The following ELL variants were observed in gnomAD, a reference collection of about 807,000 sequenced individuals.
ELL encodes RNA polymerase II elongation factor ELL.
ELL carries 18 observed loss-of-function variants against 64.0 expected under a neutral mutation model. The ratio of observed to expected loss-of-function variants is 0.28; its 90% CI spans 0.19 to 0.42. ELL has a LOEUF of 0.42. Among genes scored for constraint, ELL ranks in the 10% least tolerant of loss-of-function variants. ELL has a pLI of 1.00. For synonymous variants in ELL, 399 were observed against 376.2 expected (o/e 1.06, Z -0.70); for missense variants, 797 against 870.4 (o/e 0.92, Z 1.06).
chr19:18,473,335 GC>G, intron 1 of ELL: 1 of 384,186 alleles, frequency 2.6e-6, no homozygotes, highest in Non-Finnish European at 5.3e-6. Context: ...GGCAAAAGCA[GC>G]CCCCTCCACT....
chr19:18,467,340 C>T (rs1974961219), intron 2 of ELL, among the ~76,000 whole-genome samples: 1 of 152,082 alleles, frequency 6.6e-6, no homozygotes, highest in Non-Finnish European at 1.5e-5. Flanking sequence ...CCAGCATCCC[C>T]TCTCAGCCTC....
chr19:18,450,792 G>A lies in ELL; in HGVS notation c.1150C>T (p.Leu384=), dbSNP rs778774977. Reference sequence around the variant, plus strand: ...CTCGGGGGCTCCAGCCGCGGGGGCAGGTGAGTGCTGGAGCTGAGGGTGTCC... The same window carrying A: ...CTCGGGGGCTCCAGCCGCGGGGGCAAGTGAGTGCTGGAGCTGAGGGTGTCC... ...STDTLSSSTH[L]PPRLEPPRAH... The change falls in exon 8 of 12, where the codon CTG becomes TTG. Residue 384 remains leucine (L), a synonymous_variant. Coordinates refer to ENST00000262809, the MANE Select transcript of ELL (RefSeq NM_006532.4). The A allele has an allele frequency of 4.4e-6, 7 of 1,582,894 alleles. No homozygotes were observed. The African/African-American group carries it at 6.7e-5, about 15-fold the overall frequency.
rs1157193092 is a variant in ELL, at chr19:18,442,733, C to T, written c.*2019G>A. The stretch of plus-strand genomic sequence containing the variant: ...ACCTGTTTAGTGTACAAAAAGGACA[C>T]TAGATCTTTTAAGAAAATATCAGGA... On this transcript the variant is annotated 3_prime_UTR_variant, in exon 12 of 12. Coordinates refer to ENST00000262809, the MANE Select transcript of ELL (RefSeq NM_006532.4). The T allele has an allele frequency of 5.0e-6, 1 of 198,466 alleles. No homozygotes were observed. Among genetic ancestry groups the T allele is most frequent in the Non-Finnish European group, 1.0e-5 (1 of 96,548 alleles). 12.3% of individuals were successfully genotyped at this position (198,466 alleles called of 1,614,324 possible). A position where few individuals can be genotyped will look rare whatever the true frequency, so the allele number is the denominator to read the frequency against.
At chr19:18,515,930 G>C (rs747111297) in intron 1 of ELL, among the ~76,000 whole-genome samples, 1 of 152,102 alleles carries the variant, frequency 6.6e-6, no homozygotes, top group African/African-American at 2.4e-5. Flanking sequence ...TTCCTCTCCC[G>C]GCAAGTGGTC....
chr19:18,453,511 C>T (rs984298685), intron 6 of ELL, among the ~76,000 whole-genome samples: 22 of 152,114 alleles, frequency 1.4e-4, no homozygotes, highest in African/African-American at 4.6e-4. Context: ...ACAAACAAAC[C>T]CACCAAACAA....
At chr19:18,471,691 C>T (rs1975068424) in intron 2 of ELL, among the ~76,000 whole-genome samples, 1 of 152,190 alleles carries the variant, frequency 6.6e-6, no homozygotes, top group South Asian at 2.1e-4. Context: ...TCAAACCATT[C>T]TAAGGCATAT....
intron 1 of ELL, among the ~76,000 whole-genome samples, chr19:18,494,054 C>T (rs531298534): frequency 1.3e-5 from 2 of 152,202 alleles, no homozygotes; most frequent in Admixed American, 1.3e-4. Context: ...GTCTTTCTCC[C>T]TTATTCCAAC....
At chr19:18,452,923 G>A (rs1362441548) in intron 6 of ELL, among the ~76,000 whole-genome samples, 1 of 152,172 alleles carries the variant, frequency 6.6e-6, no homozygotes, top group Non-Finnish European at 1.5e-5. Flanking sequence ...CAAAACAGAG[G>A]AACACGAAAA....
intron 1 of ELL, among the ~76,000 whole-genome samples, chr19:18,493,995 C>T (rs1239645034): frequency 1.3e-5 from 2 of 152,200 alleles, no homozygotes; most frequent in Admixed American, 1.3e-4. Flanking sequence ...GAAATCCATC[C>T]AAGGACAGGC....
At chr19:18,465,772 G>A (rs369922636) in intron 3 of ELL, 25 bp downstream of exon 3, 138 of 1,423,404 alleles carry the variant, frequency 9.7e-5, no homozygotes, top group Middle Eastern at 3.8e-4. Flanking sequence ...CCGGCGGGGT[G>A]CTCTGGGGTG....
chr19:18,485,702 G>A (rs935796251), intron 1 of ELL, among the ~76,000 whole-genome samples: 1 of 152,158 alleles, frequency 6.6e-6, no homozygotes, highest in Non-Finnish European at 1.5e-5. Context: ...AAGCTACGGG[G>A]ATGGGCCGGG....
intron 1 of ELL, among the ~76,000 whole-genome samples, chr19:18,479,135 A>T (rs1235378235): frequency 6.6e-6 from 1 of 152,170 alleles, no homozygotes; most frequent in Non-Finnish European, 1.5e-5. Flanking sequence ...CCAGGGCACG[A>T]GGCAATGTCT....
At chr19:18,445,163 C>G in intron 11 of ELL, 61 bp downstream of exon 11, 1 of 1,600,920 alleles carries the variant, frequency 6.2e-7, no homozygotes, top group South Asian at 1.1e-5. Context: ...CCCGGGCCCA[C>G]CCTCCTCCCT....
intron 1 of ELL, among the ~76,000 whole-genome samples, chr19:18,483,810 T>A (rs1600474511): frequency 1.3e-5 from 2 of 152,124 alleles, no homozygotes; most frequent in Admixed American, 1.3e-4. Flanking sequence ...GAAGTCTCCC[T>A]CCAAGGGAGG....
At chr19:18,520,111 G>C (rs1261907720) in intron 1 of ELL, among the ~76,000 whole-genome samples, 2 of 152,206 alleles carry the variant, frequency 1.3e-5, no homozygotes, top group African/African-American at 2.4e-5. Context: ...AAAAATAGCA[G>C]TGTGACAGCA....
Position 18,444,713 on chromosome 19 carries a change from C to T in ELL, c.*39G>A, listed in dbSNP as rs781538348. 4 of 1,555,748 alleles carry T rather than the reference C, an allele frequency of 2.6e-6. No homozygotes were observed. The East Asian group carries it at 9.1e-5, about 35-fold the overall frequency. On this transcript the variant is annotated 3_prime_UTR_variant, in exon 12 of 12. Coordinates refer to ENST00000262809, the MANE Select transcript of ELL (RefSeq NM_006532.4). ...AAATCCTCTCTCACCGCCTTTTGCT[C>T]CCCCGACCCTCCCAGATCCCCGCCA...
chr19:18,497,716 C>G (rs1451712384), intron 1 of ELL, among the ~76,000 whole-genome samples: 2 of 145,394 alleles, frequency 1.4e-5, no homozygotes, highest in South Asian at 2.2e-4. Context: ...ACCCGGGAGG[C>G]TGGGGTGGGA....
rs192886401 is a variant in ELL at position 18,447,347 on chromosome 19, C to T, written c.1466-533G>A. Among the ~76,000 whole-genome samples, 23 of 152,358 alleles carry T rather than the reference C, an allele frequency of 1.5e-4. No individual in the cohort carries two copies. In the East Asian group the frequency reaches 4.2e-3, roughly 28 times the overall value. On this transcript the variant is annotated intron_variant, in intron 8 of 11. Transcript: ENST00000262809. ...GCATCTCTTGCTGCTGACAAAGTTC[C>T]ACGCCCTTGGTCTGTGCCCCACCCA...
chr19:18,459,339 C>A (rs1416397171), intron 5 of ELL, among the ~76,000 whole-genome samples: 5 of 152,194 alleles, frequency 3.3e-5, no homozygotes, highest in African/African-American at 1.2e-4. Flanking sequence ...AGACTGCTAA[C>A]AAAGATGGAT....
Sources: gnomAD v4.1 joint callset for allele counts (sites outside exome capture counted in the v4.1 genomes callset) on GRCh38, gnomAD v4.1.1 for gene constraint, MANE v1.5 for transcripts, NCBI Gene and HGNC (gene_info 2026-07-23, HGNC 2026-07-21) for gene names.